LAMA2: variants seen among roughly 807,000 people sequenced by gnomAD.
LAMA2 encodes the protein laminin subunit alpha-2.
Under a neutral mutation model 364.8 loss-of-function variants are expected in LAMA2, and 269 were observed. That is an observed-to-expected ratio of 0.74 (90% CI 0.67 to 0.82). The LOEUF (loss-of-function observed/expected upper bound fraction) is 0.82. Ranked by LOEUF, LAMA2 falls within the 40% of genes least tolerant of loss-of-function variation. LAMA2 has a pLI of 0.00. For synonymous variants in LAMA2, 1,379 were observed against 1,370.6 expected, an observed-to-expected ratio of 1.01 and a Z score of -0.14; for missense variants, 3,807 against 3,873.2, an observed-to-expected ratio of 0.98 and a Z score of 0.45.
intron 34 of LAMA2, among the ~76,000 whole-genome samples, chr6:129,380,749 G>A (rs896209053): frequency 2.0e-5 from 3 of 152,166 alleles, no homozygotes; most frequent in Non-Finnish European, 4.4e-5. Flanking sequence ...TGCCAGGGAG[G>A]TTGATTGCAT....
chr6:129,398,622 G>T (rs530905876), intron 37 of LAMA2, among the ~76,000 whole-genome samples: 4 of 151,764 alleles, frequency 2.6e-5, no homozygotes, highest in Non-Finnish European at 5.9e-5. Flanking sequence ...TTACAGGCAT[G>T]CACCACCACA....
intron 29 of LAMA2, among the ~76,000 whole-genome samples, chr6:129,328,734 A>T (rs1444314139): frequency 6.6e-6 from 1 of 152,178 alleles, no homozygotes; most frequent in Non-Finnish European, 1.5e-5. Context: ...AAAATTTGGA[A>T]ATTACAGAAA....
At chr6:129,295,450 G>T (rs183534471) in intron 20 of LAMA2, among the ~76,000 whole-genome samples, 30 of 151,930 alleles carry the variant, frequency 2.0e-4, no homozygotes, top group Admixed American at 1.7e-3. Flanking sequence ...GACCATGAAT[G>T]TCTGCTCCTT....
chr6:129,459,456 T>A lies in LAMA2; in HGVS notation c.6868-744T>A, dbSNP rs559283429. 6.6e-5 allele frequency among the ~76,000 whole-genome samples: 10 copies of A among 152,178 alleles called. No individual in the cohort carries two copies. In the South Asian group the frequency reaches 1.9e-3, roughly 28 times the overall value. ...TTTCCTGTGAAAATGACACCAGGATTGAATTTGATCAGATTATTTGTCGAT... is the reference window on the plus strand; with the variant it reads ...TTTCCTGTGAAAATGACACCAGGATAGAATTTGATCAGATTATTTGTCGAT... On this transcript the variant is annotated intron_variant, in intron 48 of 64. Transcript: ENST00000421865.
chr6:129,218,516 A>G (rs146634137), intron 12 of LAMA2, among the ~76,000 whole-genome samples: 21 of 152,256 alleles, frequency 1.4e-4, no homozygotes, highest in African/African-American at 5.1e-4. Flanking sequence ...TACCTCTACA[A>G]TATAAGATAG....
chr6:129,343,627 G>T (rs1167749098), intron 30 of LAMA2, among the ~76,000 whole-genome samples: 1 of 152,074 alleles, frequency 6.6e-6, no homozygotes, highest in Non-Finnish European at 1.5e-5. Flanking sequence ...AAGCCATTTG[G>T]ATTAGAAAAA....
intron 8 of LAMA2, among the ~76,000 whole-genome samples, chr6:129,159,422 C>A (rs1431388033): frequency 6.6e-6 from 1 of 152,196 alleles, no homozygotes; most frequent in Non-Finnish European, 1.5e-5. Flanking sequence ...TCCTTGCCAG[C>A]GTGCCGAGGC....
chr6:129,120,822 G>C (rs1016045158), intron 4 of LAMA2, among the ~76,000 whole-genome samples: 1 of 149,752 alleles, frequency 6.7e-6, no homozygotes, highest in Non-Finnish European at 1.5e-5. Flanking sequence ...TGGAACAAAG[G>C]CAAAAGATAC....
At position 129,453,148 on chromosome 6, in the gene LAMA2, A is replaced by C. The variant is rs745697361; in HGVS notation, c.6573+17A>C. ...GCCAAATTTGTAAGTCTAATATTCAACTTTTCATTAGGCTGCTGTATGTGT... is the reference window on the plus strand; with the variant it reads ...GCCAAATTTGTAAGTCTAATATTCACCTTTTCATTAGGCTGCTGTATGTGT... On this transcript the variant is annotated intron_variant, in intron 46 of 64. Transcript: ENST00000421865. The C allele has an allele frequency of 3.7e-6, 6 of 1,606,984 alleles. No homozygotes were observed. Among genetic ancestry groups the C allele is most frequent in the Non-Finnish European group, 5.1e-6 (6 of 1,174,996 alleles).
chr6:129,510,314 C>A (rs916093129), intron 62 of LAMA2, among the ~76,000 whole-genome samples: 4 of 152,076 alleles, frequency 2.6e-5, no homozygotes, highest in African/African-American at 4.8e-5. Context: ...TATATGCCAA[C>A]AGCAAACAAT....
chr6:129,470,744 G>A (rs1191263480), intron 51 of LAMA2, among the ~76,000 whole-genome samples: 2 of 151,872 alleles, frequency 1.3e-5, no homozygotes, highest in Non-Finnish European at 2.9e-5. Context: ...AGTGGGAGAG[G>A]AATTGAAATA....
intron 63 of LAMA2, among the ~76,000 whole-genome samples, chr6:129,513,718 C>T (rs774563350): frequency 4.6e-5 from 7 of 152,114 alleles, no homozygotes; most frequent in Non-Finnish European, 7.3e-5. Flanking sequence ...GGCTTTTCCA[C>T]ATTACTAAAA....
intron 58 of LAMA2, among the ~76,000 whole-genome samples, chr6:129,494,687 G>A (rs1785063938): frequency 1.3e-5 from 2 of 152,164 alleles, no homozygotes; most frequent in African/African-American, 2.4e-5. Flanking sequence ...AGTCATGGGG[G>A]GTTAGTTCCA....
At chr6:129,452,292 C>G (rs562495942) in intron 45 of LAMA2, among the ~76,000 whole-genome samples, 1 of 152,132 alleles carries the variant, frequency 6.6e-6, no homozygotes, top group African/African-American at 2.4e-5. Context: ...ATAGGCATTC[C>G]TTTTTTAGCA....
At chr6:129,306,345 G>GTT (rs138700232) in intron 22 of LAMA2, among the ~76,000 whole-genome samples, 31 of 94,810 alleles carry the variant, frequency 3.3e-4, no homozygotes, top group South Asian at 1.7e-3. Context: ...TTCCAGAAAG[G>GTT]TGTTTTTTTT....
At chr6:129,276,839 A>G (rs1788359599) in intron 17 of LAMA2, among the ~76,000 whole-genome samples, 1 of 152,056 alleles carries the variant, frequency 6.6e-6, no homozygotes, top group South Asian at 2.1e-4. Flanking sequence ...ATATTTTGAC[A>G]GATAGAATTA....
chr6:128,885,788 T>C (rs1284280779), intron 1 of LAMA2, among the ~76,000 whole-genome samples: 1 of 152,204 alleles, frequency 6.6e-6, no homozygotes, highest in Admixed American at 6.5e-5. Context: ...TTACTTTTTC[T>C]TTGAAATCTT....
chr6:129,501,413 A>G (rs1785627050), intron 58 of LAMA2, among the ~76,000 whole-genome samples: 1 of 152,240 alleles, frequency 6.6e-6, no homozygotes, highest in Non-Finnish European at 1.5e-5. Flanking sequence ...AAATACTTCC[A>G]TGAAGACCAA....
At chr6:129,133,645 T>C (rs1225011300) in intron 4 of LAMA2, among the ~76,000 whole-genome samples, 1 of 152,178 alleles carries the variant, frequency 6.6e-6, no homozygotes, top group African/African-American at 2.4e-5. Context: ...CTTGAAGAGC[T>C]TGTGTCTCTG....
Sources: allele counts gnomAD v4.1 joint callset (sites outside exome capture counted in the v4.1 genomes callset), GRCh38; gene constraint gnomAD v4.1.1; transcripts MANE v1.5; gene names NCBI Gene and HGNC (gene_info 2026-07-23, HGNC 2026-07-21).